Variants in ROBO1 observed in about 807,000 individuals in gnomAD.
ROBO1 encodes the protein roundabout guidance receptor 1.
In ROBO1, 149 loss-of-function variants were observed where a neutral mutation model predicts 195.9. The observed-to-expected ratio is 0.76, with a 90% confidence interval of 0.67 to 0.87. ROBO1 has a LOEUF of 0.87. ROBO1 is among the 40% of genes least tolerant of loss of function. The pLI is 0.00. For missense variants in ROBO1, 1,933 were observed against 2,068.3 expected (o/e 0.93, Z 1.27); for synonymous variants, 816 against 733.2 (o/e 1.11, Z -1.82).
chr3:79,081,148 C>T (rs1167062676), intron 3 of ROBO1, among the ~76,000 whole-genome samples: 1 of 151,796 alleles, frequency 6.6e-6, no homozygotes, highest in Non-Finnish European at 1.5e-5. Flanking sequence ...TGTAATAGAG[C>T]TTTTAAATGA....
chr3:79,701,675 A>C (rs7432306), intron 1 of ROBO1, among the ~76,000 whole-genome samples: 98,610 of 151,424 alleles, frequency 0.65, 32,307 homozygotes, highest in Middle Eastern at 0.74. Flanking sequence ...ATATGATAGA[A>C]AATACACTGC....
intron 4 of ROBO1, among the ~76,000 whole-genome samples, chr3:78,800,535 GA>G (rs1446920570): frequency 4.0e-5 from 6 of 151,260 alleles, no homozygotes; most frequent in Non-Finnish European, 5.9e-5. Flanking sequence ...ATGGCCAAAT[GA>G]AGCTGTTTTT....
intron 2 of ROBO1, among the ~76,000 whole-genome samples, chr3:79,246,219 T>G (rs1299880350): frequency 6.6e-6 from 1 of 152,112 alleles, no homozygotes; most frequent in Non-Finnish European, 1.5e-5. Flanking sequence ...TGAATGCCAT[T>G]TGGTATTTTG....
At chr3:79,078,910 T>C (rs975555675) in intron 3 of ROBO1, among the ~76,000 whole-genome samples, 2 of 151,776 alleles carry the variant, frequency 1.3e-5, no homozygotes, top group African/African-American at 2.4e-5. Context: ...CCCTCTCATA[T>C]TGTCTTTCTT....
intron 2 of ROBO1, among the ~76,000 whole-genome samples, chr3:79,366,894 CA>C (rs2035997899): frequency 6.6e-6 from 1 of 151,638 alleles, no homozygotes; most frequent in African/African-American, 2.4e-5. Flanking sequence ...GTCTTAGAAA[CA>C]GGGGGAAGCT....
At position 78,717,309 on chromosome 3, in the gene ROBO1, A is replaced by G; in HGVS notation, c.883T>C (p.Trp295Arg). Residue 295 changes from tryptophan (W) to arginine (R), a missense_variant, in exon 7 of 31, where the codon TGG (tryptophan) becomes CGG (arginine). Coordinates refer to ENST00000464233, the MANE Select transcript of ROBO1 (RefSeq NM_002941.4). ...GGCAGCTCTCCATCATCTTTCCTCC[A>G]TCGTACTGTAGGTACAGGGTCACCT... The part of the protein sequence containing the change: ...ARGDPVPTVR[W>R]RKDDGELPKS... 3 of 1,599,044 alleles carry G rather than the reference A, an allele frequency of 1.9e-6. No individual in the cohort carries two copies. The highest frequency in any genetic ancestry group is 1.1e-5 in the South Asian group (1 of 88,166).
intron 3 of ROBO1, among the ~76,000 whole-genome samples, chr3:78,961,154 T>G (rs901168419): frequency 1.3e-5 from 2 of 152,176 alleles, no homozygotes; most frequent in African/African-American, 4.8e-5. Flanking sequence ...TTCTGCAACC[T>G]TTGAACTTAA....
rs191276411 is a variant in ROBO1 at position 79,083,095 on chromosome 3, G to A, written c.172+42361C>T. Among the ~76,000 whole-genome samples, 316 of 152,226 alleles carry A rather than the reference G, an allele frequency of 2.1e-3. 2 individuals are homozygous for A. Among genetic ancestry groups the A allele is most frequent in the African/African-American group, 7.2e-3 (299 of 41,544 alleles). On this transcript the variant is annotated intron_variant, in intron 3 of 30. Coordinates refer to ENST00000464233, the MANE Select transcript of ROBO1 (RefSeq NM_002941.4). The stretch of plus-strand genomic sequence containing the variant: ...GCCTGTAGTCCCAGCTAGTCGGGAG[G>A]CTGAGGTGAGAGAATCACTTGGGCC...
At chr3:79,019,465 T>C in intron 3 of ROBO1, 3 of 986,260 alleles carry the variant, frequency 3.0e-6, no homozygotes, top group Non-Finnish European at 3.6e-6. Flanking sequence ...CAATTGCTTG[T>C]GGGTTTCCCC....
At chr3:78,807,920 G>GCTCAAACTA (rs1423627686) in intron 4 of ROBO1, among the ~76,000 whole-genome samples, 3 of 140,022 alleles carry the variant, frequency 2.1e-5, no homozygotes, top group Non-Finnish European at 4.7e-5. Context: ...ACAAACATTT[G>GCTCAAACTA]CTAAACACAT....
rs75139216 is a variant in ROBO1, at chr3:78,958,724, C to T, written c.173-19797G>A. On this transcript the variant is annotated intron_variant, in intron 3 of 30. Coordinates refer to ENST00000464233, the MANE Select transcript of ROBO1 (RefSeq NM_002941.4). ...CAATTCATCCCAGTTTAACCAGGAC[C>T]GTCCCAGTTTAACCAGGATCATCCC... 1.5e-3 allele frequency among the ~76,000 whole-genome samples: 234 copies of T among 151,484 alleles called. 2 individuals carry two copies. The East Asian group carries it at 0.032, about 21-fold the overall frequency.
chr3:78,782,187 T>C (rs1404047166), intron 4 of ROBO1, among the ~76,000 whole-genome samples: 2 of 152,114 alleles, frequency 1.3e-5, no homozygotes, highest in Admixed American at 1.3e-4. Flanking sequence ...AAAATTAAGT[T>C]GAAATTCTTT....
chr3:79,636,263 G>A (rs1945493015), intron 1 of ROBO1, among the ~76,000 whole-genome samples: 1 of 151,884 alleles, frequency 6.6e-6, no homozygotes, highest in African/African-American at 2.4e-5. Flanking sequence ...TTGTCTTGTC[G>A]AATACATGGA....
intron 24 of ROBO1, 26 bp downstream of exon 24, chr3:78,633,909 G>A (rs1445940355): frequency 6.8e-6 from 10 of 1,474,846 alleles, no homozygotes; most frequent in Non-Finnish European, 8.5e-6. Context: ...TTTTAAAGGA[G>A]AAGTTCTTTG....
chr3:78,750,044 G>A (rs562890957), intron 4 of ROBO1, among the ~76,000 whole-genome samples: 5 of 152,168 alleles, frequency 3.3e-5, no homozygotes, highest in African/African-American at 1.2e-4. Context: ...TATTTTATGT[G>A]TATAGTTAGG....
At chr3:79,443,794 G>A (rs1340544803) in intron 2 of ROBO1, among the ~76,000 whole-genome samples, 3 of 151,738 alleles carry the variant, frequency 2.0e-5, no homozygotes, top group East Asian at 3.9e-4. Flanking sequence ...ATTTATTAAC[G>A]AATCAGAAAA....
intron 3 of ROBO1, among the ~76,000 whole-genome samples, chr3:79,011,389 T>G (rs533253881): frequency 6.6e-6 from 1 of 152,312 alleles, no homozygotes; most frequent in East Asian, 1.9e-4. Context: ...CAAGAAAATG[T>G]AACAGCAGGC....
chr3:78,886,910 T>G (rs1559964860), intron 4 of ROBO1, among the ~76,000 whole-genome samples: 2 of 152,180 alleles, frequency 1.3e-5, no homozygotes, highest in Admixed American at 6.5e-5. Flanking sequence ...GAGTTGCTGG[T>G]AATATCCTGC....
Position 78,971,565 on chromosome 3 carries a change from A to C in ROBO1, c.173-32638T>G, listed in dbSNP as rs541678197. Among the ~76,000 whole-genome samples, 18 of 152,232 alleles carry C rather than the reference A, an allele frequency of 1.2e-4. No homozygotes were observed. The East Asian group carries it at 3.3e-3, about 28-fold the overall frequency. On this transcript the variant is annotated intron_variant, in intron 3 of 30. Coordinates refer to ENST00000464233, the MANE Select transcript of ROBO1 (RefSeq NM_002941.4). ...AAATGGGTTACCCTCAAAAGAATAA[A>C]ATGGGTAAAGTGGCCAGGCCAACCA...
Sources: gnomAD v4.1 joint callset for allele counts (sites outside exome capture counted in the v4.1 genomes callset) on GRCh38, gnomAD v4.1.1 for gene constraint, MANE v1.5 for transcripts, NCBI Gene and HGNC (gene_info 2026-07-23, HGNC 2026-07-21) for gene names.